SLC25A45: variants seen among roughly 807,000 people sequenced by gnomAD.
SLC25A45 encodes the protein solute carrier family 25 member 45.
In SLC25A45, 22 loss-of-function variants were observed where a neutral mutation model predicts 23.0. That is an observed-to-expected ratio of 0.95 (90% CI 0.68 to 1.36). The LOEUF (loss-of-function observed/expected upper bound fraction) is 1.36. Among genes scored for constraint, SLC25A45 ranks in the 40% most tolerant of loss-of-function variants. The pLI is 0.00. For missense variants in SLC25A45, 355 were observed against 383.5 expected (o/e 0.93, Z 0.62); for synonymous variants, 136 against 155.0 (o/e 0.88, Z 0.91).
chr11:65,378,053 C>G (rs969858467), intron 5 of SLC25A45: 2 of 152,098 alleles, frequency 1.3e-5, no homozygotes, highest in Non-Finnish European at 2.9e-5. Flanking sequence ...GAGTAAGGGT[C>G]GTAGGTTAGG....
chr11:65,380,571 A>G (rs1855499076), intron 2 of SLC25A45: 7 of 1,305,856 alleles, frequency 5.4e-6, no homozygotes, highest in Non-Finnish European at 7.0e-6. Flanking sequence ...TCAACTCATA[A>G]TGTCGTCGCC....
chr11:65,379,185 T>C, intron 5 of SLC25A45, 191 bp downstream of exon 5: 1 of 632,282 alleles, frequency 1.6e-6, no homozygotes, highest in Non-Finnish European at 2.7e-6. Context: ...TGTCTCTGCC[T>C]TTTGCCCCCT....
chr11:65,377,265 GC>G (rs1855265236), intron 5 of SLC25A45, 189 bp from the exon 6 acceptor site: 1 of 1,420,754 alleles, frequency 7.0e-7, no homozygotes, highest in Non-Finnish European at 9.2e-7. Context: ...ACCGGGACAG[GC>G]CACCTCCCTT....
intron 2 of SLC25A45, 97 bp from the exon 3 acceptor site, chr11:65,380,272 G>A (rs1018520637): frequency 1.3e-6 from 2 of 1,567,148 alleles, no homozygotes; most frequent in East Asian, 4.5e-5. Context: ...GCAGGAGGAA[G>A]GAGAGCAGGG....
In SLC25A45 at chr11:65,379,423, TG is replaced by T. The variant is rs1855411217; in HGVS notation, c.291del (p.Ser98AlafsTer7). The part of the protein sequence containing the change: ...TSHQERRAQP[P>X]SYMHIFLAGC... The stretch of plus-strand genomic sequence containing the variant: ...CCCGCTAGGAAGATGTGCATGTAGC[TG>T]GGCGGCTGGGCCCGCCGCTCCTGGT... On this transcript the variant is annotated frameshift_variant, in exon 5 of 7. Transcript: ENST00000398802. LOFTEE classifies it high-confidence loss of function. 1 of 1,612,790 alleles carries T rather than the reference TG, an allele frequency of 6.2e-7. No homozygotes were observed. Among genetic ancestry groups the T allele is most frequent in the Non-Finnish European group, 8.5e-7 (1 of 1,179,964 alleles).
rs978297634 is a variant in SLC25A45, at chr11:65,376,288, C to G, written c.*119G>C. The G allele has an allele frequency of 7.6e-6, 10 of 1,319,118 alleles. No homozygotes were observed. The highest frequency in any genetic ancestry group is 1.0e-5 in the Non-Finnish European group (10 of 962,044). The allele number at this position is 1,319,118 out of a possible 1,614,324, so 81.7% of individuals were successfully genotyped here. On this transcript the variant is annotated 3_prime_UTR_variant, in exon 7 of 7. Coordinates refer to ENST00000398802, the MANE Select transcript of SLC25A45 (RefSeq NM_182556.4). ...CCAGATCTGCGCGGGTGGGAGGCAC[C>G]TTGGTTAGGAAGGGCTGAGCCTCTT...
chr11:65,382,280 G>T lies in SLC25A45; in HGVS notation c.-19+206C>A. On this transcript the variant is annotated intron_variant, in intron 1 of 6. Transcript: ENST00000398802. The surrounding 1 kb of genome is among the most constrained non-coding windows in gnomAD (Gnocchi z 4.4). ...CTGCCCCATGGTCGGGCCCCTCCAG[G>T]GCTGCCTTAGTCAGCAAGAGGCAAG... 1 of 410,152 alleles carries T rather than the reference G, an allele frequency of 2.4e-6. No individual in the cohort carries two copies. Among genetic ancestry groups the T allele is most frequent in the Non-Finnish European group, 4.6e-6 (1 of 218,162 alleles). The allele number at this position is 410,152 out of a possible 1,614,324, so 25.4% of individuals were successfully genotyped here.
chr11:65,381,410 T>G (rs1855546880), intron 2 of SLC25A45: 1 of 160,392 alleles, frequency 6.2e-6, no homozygotes, highest in African/African-American at 2.4e-5. Flanking sequence ...CTTACAGGCA[T>G]GAGCCACCGC....
chr11:65,377,477 A>G (rs1173071997), intron 5 of SLC25A45: 1 of 947,320 alleles, frequency 1.1e-6, no homozygotes, highest in Admixed American at 5.2e-5. Context: ...GTGAAATAGC[A>G]AAGAAACCAC....
In SLC25A45 at chr11:65,382,120, C is replaced by G. The variant is rs1590640016; in HGVS notation, c.-18-151G>C. On this transcript the variant is annotated intron_variant, in intron 1 of 6. Transcript: ENST00000398802. This position sits in a 1 kb window ranked among gnomAD's most constrained non-coding sequence, Gnocchi z 4.4. ...CCGGCAACTGGCAGAGGAGAGCGAG[C>G]CAGTTCCGGTGACCCTGGCCACCTG... is the stretch of plus-strand genomic sequence containing the variant. The G allele has an allele frequency of 1.5e-6, 1 of 660,128 alleles. No individual in the cohort carries two copies. The highest frequency in any genetic ancestry group is 2.7e-5 in the East Asian group (1 of 36,508). The allele number at this position is 660,128 out of a possible 1,614,324, so 40.9% of individuals were successfully genotyped here.
rs1855159678 is a variant in SLC25A45 at position 65,376,225 on chromosome 11, GC to G, written c.*181del. The G allele has an allele frequency of 2.1e-5, 14 of 671,756 alleles. No individual in the cohort carries two copies. The highest frequency in any genetic ancestry group is 1.3e-4 in the South Asian group (7 of 52,090). The allele number at this position is 671,756 out of a possible 1,614,324, so 41.6% of individuals were successfully genotyped here. On this transcript the variant is annotated 3_prime_UTR_variant, in exon 7 of 7. Coordinates refer to ENST00000398802, the MANE Select transcript of SLC25A45 (RefSeq NM_182556.4). ...CCAGCTACACAGGGAGGCTGCACAG[GC>G]CCCCTGGCTTCCGGCTCCCACAGGT...
At chr11:65,377,153 G>C (rs1446003222) in intron 5 of SLC25A45, 77 bp from the exon 6 acceptor site, 1 of 1,518,458 alleles carries the variant, frequency 6.6e-7, no homozygotes, top group East Asian at 2.3e-5. Flanking sequence ...CAAGAGGAAG[G>C]AGGCAGGCAG....
At position 65,382,181 on chromosome 11, in the gene SLC25A45, C is replaced by A. The variant is rs921970434; in HGVS notation, c.-18-212G>T. The A allele has an allele frequency of 3.5e-6, 2 of 574,104 alleles. No homozygotes were observed. The highest frequency in any genetic ancestry group is 6.3e-6 in the Non-Finnish European group (2 of 318,796). 35.6% of individuals were successfully genotyped at this position (574,104 alleles called of 1,614,324 possible). A position where few individuals can be genotyped will look rare whatever the true frequency, so the allele number is the denominator to read the frequency against. On this transcript the variant is annotated intron_variant, in intron 1 of 6. Coordinates refer to ENST00000398802, the MANE Select transcript of SLC25A45 (RefSeq NM_182556.4). This position sits in a 1 kb window ranked among gnomAD's most constrained non-coding sequence, Gnocchi z 4.4. ...GCAGAGTACAGTCTCACGGGCCAGGCGTGCCGGGACCACAGAGGCCCTGAT... is the reference window on the plus strand; with the variant it reads ...GCAGAGTACAGTCTCACGGGCCAGGAGTGCCGGGACCACAGAGGCCCTGAT...
In SLC25A45 at chr11:65,382,079, C is replaced by T; in HGVS notation, c.-18-110G>A. 2.3e-6 allele frequency: 2 copies of T among 863,672 alleles called. No individual in the cohort carries two copies. The highest frequency in any genetic ancestry group is 2.5e-5 in the East Asian group (1 of 39,552). 53.5% of individuals were successfully genotyped at this position (863,672 alleles called of 1,614,324 possible). A position where few individuals can be genotyped will look rare whatever the true frequency, so the allele number is the denominator to read the frequency against. ...ACCCTGGCGGGAAGGTGAGAATTGG[C>T]CTGGTGCCCAGACCTCCGGCAACTG... On this transcript the variant is annotated intron_variant, in intron 1 of 6. Transcript: ENST00000398802. This position sits in a 1 kb window ranked among gnomAD's most constrained non-coding sequence, Gnocchi z 4.4.
intron 5 of SLC25A45, chr11:65,378,663 A>T (rs1446566926): frequency 2.0e-5 from 3 of 152,218 alleles, no homozygotes; most frequent in Non-Finnish European, 4.4e-5. Context: ...TGCCCCATGA[A>T]GTGTGACAAG....
At chr11:65,377,320 G>C in intron 5 of SLC25A45, 2 of 1,370,994 alleles carry the variant, frequency 1.5e-6, no homozygotes, top group African/African-American at 1.5e-5. Flanking sequence ...TCATGCAACA[G>C]TGACCAACTT....
At chr11:65,381,417 C>T in intron 2 of SLC25A45, 1 of 160,824 alleles carries the variant, frequency 6.2e-6, no homozygotes, top group Non-Finnish European at 1.4e-5. Context: ...GCATGAGCCA[C>T]CGCGCCCAGC....
At position 65,376,069 on chromosome 11, in the gene SLC25A45, C is replaced by CA. The variant is rs35193480; in HGVS notation, c.*337dup. 0.023 allele frequency: 2,499 copies of CA among 107,752 alleles called. 17 individuals carry two copies. The highest frequency in any genetic ancestry group is 0.042 in the African/African-American group (839 of 19,850). The allele number at this position is 107,752 out of a possible 1,614,324, so 6.7% of individuals were successfully genotyped here. A position where few individuals can be genotyped will look rare whatever the true frequency, so the allele number is the denominator to read the frequency against. ...TGGGTGACAGAGAAAGACTCCATCTCAAAAAAAAAAAAAAAAAAAAAAAGA... is the reference window on the plus strand; with the variant it reads ...TGGGTGACAGAGAAAGACTCCATCTCAAAAAAAAAAAAAAAAAAAAAAAAGA... On this transcript the variant is annotated 3_prime_UTR_variant, in exon 7 of 7. Transcript: ENST00000398802.
chr11:65,376,098 G>A lies in SLC25A45; in HGVS notation c.*309C>T. The A allele has an allele frequency of 3.3e-6, 1 of 305,184 alleles. No homozygotes were observed. Among genetic ancestry groups the A allele is most frequent in the Non-Finnish European group, 6.1e-6 (1 of 164,242 alleles). The allele number at this position is 305,184 out of a possible 1,614,324, so 18.9% of individuals were successfully genotyped here. A position where few individuals can be genotyped will look rare whatever the true frequency, so the allele number is the denominator to read the frequency against. On this transcript the variant is annotated 3_prime_UTR_variant, in exon 7 of 7. Transcript: ENST00000398802. ...AAAAAAAAAAAAAAAAAAAAGAGGT[G>A]AAGGCACAGGACAGGAGCTGGGATG...
Sources: gnomAD v4.1 joint callset for allele counts on GRCh38, gnomAD v4.1.1 for gene constraint, Gnocchi (gnomAD v3.1) non-coding constraint, MANE v1.5 for transcripts, NCBI Gene and HGNC (gene_info 2026-07-23, HGNC 2026-07-21) for gene names.